The following CRY1 variants were observed in gnomAD, a reference collection of about 807,000 sequenced individuals.
CRY1 encodes the protein cryptochrome-1.
A neutral mutation model predicts 76.0 loss-of-function variants in CRY1; 45 were observed. That is an observed-to-expected ratio of 0.59 (90% CI 0.47 to 0.76). The LOEUF (loss-of-function observed/expected upper bound fraction) is 0.76. Ranked by LOEUF, CRY1 falls within the 30% of genes least tolerant of loss-of-function variation. CRY1 has a pLI of 0.00. For missense variants in CRY1, 587 were observed against 716.4 expected, an observed-to-expected ratio of 0.82 and a Z score of 2.06; for synonymous variants, 248 against 244.0, an observed-to-expected ratio of 1.02 and a Z score of -0.15.
intron 2 of CRY1, among the ~76,000 whole-genome samples, chr12:107,020,542 T>C (rs1952544351): frequency 6.6e-6 from 1 of 151,874 alleles, no homozygotes; most frequent in African/African-American, 2.4e-5. Context: ...TTTTTGTTTT[T>C]TGTTTTTTTT....
At chr12:107,043,196 G>A (rs956374100) in intron 1 of CRY1, 1 of 152,184 alleles carries the variant, frequency 6.6e-6, no homozygotes, top group Non-Finnish European at 1.5e-5. Context: ...GCCAAGCAGA[G>A]ACAGAGCCAC....
chr12:107,079,621 C>A (rs984116030), intron 1 of CRY1, among the ~76,000 whole-genome samples: 1 of 152,144 alleles, frequency 6.6e-6, no homozygotes, highest in Non-Finnish European at 1.5e-5. Context: ...CTCCTCACCA[C>A]TATCAGAATA....
At chr12:107,086,024 A>C (rs1953396239) in intron 1 of CRY1, among the ~76,000 whole-genome samples, 1 of 152,164 alleles carries the variant, frequency 6.6e-6, no homozygotes, top group Non-Finnish European at 1.5e-5. Flanking sequence ...ATTTTTAAAA[A>C]CTAAAACAAA....
chr12:107,093,531 A>G lies in CRY1; in HGVS notation c.-570T>C, dbSNP rs918590474. On this transcript the variant is annotated 5_prime_UTR_variant, in exon 1 of 13. Coordinates refer to ENST00000008527, the MANE Select transcript of CRY1 (RefSeq NM_004075.5). ...GGTTGCCGGCCGGTGACCGGTCCCG[A>G]GGCTGCCCGGGTGACTCTGCCGCCG... 2.6e-5 allele frequency: 4 copies of G among 152,278 alleles called. No homozygotes were observed. The highest frequency in any genetic ancestry group is 4.4e-5 in the Non-Finnish European group (3 of 68,118). 9.4% of individuals were successfully genotyped at this position (152,278 alleles called of 1,614,324 possible). A position where few individuals can be genotyped will look rare whatever the true frequency, so the allele number is the denominator to read the frequency against.
intron 1 of CRY1, among the ~76,000 whole-genome samples, chr12:107,057,723 C>G (rs1415342585): frequency 6.6e-6 from 1 of 151,644 alleles, no homozygotes; most frequent in Non-Finnish European, 1.5e-5. Context: ...AGAGCAAGAC[C>G]CTGTCTCTAT....
At chr12:107,088,331 C>T (rs554926221) in intron 1 of CRY1, among the ~76,000 whole-genome samples, 1 of 152,324 alleles carries the variant, frequency 6.6e-6, no homozygotes, top group African/African-American at 2.4e-5. Flanking sequence ...TCCACTTCCC[C>T]TTCCATCATG....
chr12:107,042,052 A>C (rs2087167280), intron 1 of CRY1, among the ~76,000 whole-genome samples: 1 of 152,220 alleles, frequency 6.6e-6, no homozygotes, highest in Admixed American at 6.5e-5. Flanking sequence ...AATTTAAATG[A>C]AATAAACAGT....
At chr12:107,040,391 T>C (rs2136865897) in intron 1 of CRY1, among the ~76,000 whole-genome samples, 1 of 151,150 alleles carries the variant, frequency 6.6e-6, no homozygotes, top group South Asian at 2.1e-4. Context: ...GTTCAAGTGA[T>C]TTTTCTGCCC....
chr12:106,997,745 C>T, intron 8 of CRY1, 55 bp from the exon 9 acceptor site: 1 of 1,594,624 alleles, frequency 6.3e-7, no homozygotes, highest in Non-Finnish European at 8.6e-7. Context: ...CAAACTATAA[C>T]TACTAGCTAT....
chr12:107,044,669 G>C (rs369706247), intron 1 of CRY1, among the ~76,000 whole-genome samples: 1 of 152,026 alleles, frequency 6.6e-6, no homozygotes, highest in Admixed American at 6.5e-5. Flanking sequence ...ATTCAACAAA[G>C]AGATATAAAT....
In CRY1 at chr12:107,048,878, C is replaced by T. The variant is rs147503218; in HGVS notation, c.159-26686G>A. 4.3e-3 allele frequency among the ~76,000 whole-genome samples: 659 copies of T among 152,170 alleles called. 2 individuals carry two copies. Among genetic ancestry groups the T allele is most frequent in the African/African-American group, 0.015 (632 of 41,486 alleles). The stretch of plus-strand genomic sequence containing the variant: ...AGTCTAATGTGGATTTCCTATGAGT[C>T]TAATTGTCTGGTTTTTTTCCTCCTG... On this transcript the variant is annotated intron_variant, in intron 1 of 12. Coordinates refer to ENST00000008527, the MANE Select transcript of CRY1 (RefSeq NM_004075.5).
chr12:107,000,705 A>G (rs1207803110), intron 5 of CRY1, among the ~76,000 whole-genome samples: 2 of 152,102 alleles, frequency 1.3e-5, no homozygotes, highest in African/African-American at 4.8e-5. Flanking sequence ...GCTGGAGTAC[A>G]GTGGTACGAT....
chr12:107,046,167 C>T (rs1336885103), intron 1 of CRY1, among the ~76,000 whole-genome samples: 1 of 151,562 alleles, frequency 6.6e-6, no homozygotes, highest in African/African-American at 2.4e-5. Flanking sequence ...GTGGCACACA[C>T]CTGTCATCCC....
intron 2 of CRY1, among the ~76,000 whole-genome samples, chr12:107,021,114 T>C (rs923289601): frequency 6.6e-6 from 1 of 152,130 alleles, no homozygotes; most frequent in African/African-American, 2.4e-5. Flanking sequence ...TGAAACCCTG[T>C]CTCTACTAAA....
intron 1 of CRY1, among the ~76,000 whole-genome samples, chr12:107,090,704 G>T (rs1169637368): frequency 6.6e-6 from 1 of 152,124 alleles, no homozygotes; most frequent in Admixed American, 6.5e-5. Flanking sequence ...TTCAATAAAT[G>T]GTTGGATGAA....
At chr12:107,020,664 T>C (rs957093284) in intron 2 of CRY1, among the ~76,000 whole-genome samples, 1 of 152,102 alleles carries the variant, frequency 6.6e-6, no homozygotes, top group Non-Finnish European at 1.5e-5. Flanking sequence ...CCTGAGGCCT[T>C]CCCAGAAGCC....
intron 1 of CRY1, among the ~76,000 whole-genome samples, chr12:107,055,902 A>G (rs953843064): frequency 2.0e-5 from 3 of 152,298 alleles, no homozygotes; most frequent in Non-Finnish European, 4.4e-5. Flanking sequence ...GAATAAAGCT[A>G]AATGGGTTTC....
At position 107,063,175 on chromosome 12, in the gene CRY1, A is replaced by C. The variant is rs1172768314; in HGVS notation, c.158+29629T>G. 2.0e-5 allele frequency among the ~76,000 whole-genome samples: 3 copies of C among 152,302 alleles called. No homozygotes were observed. The East Asian group carries it at 5.8e-4, about 29-fold the overall frequency. ...TCTTAATATTCTAAGCAAGAAATGC[A>C]GTGTACACAAATGGAACAGACTTAA... On this transcript the variant is annotated intron_variant, in intron 1 of 12. Coordinates refer to ENST00000008527, the MANE Select transcript of CRY1 (RefSeq NM_004075.5).
chr12:106,995,044 C>T (rs925472546), intron 10 of CRY1, among the ~76,000 whole-genome samples: 1 of 152,142 alleles, frequency 6.6e-6, no homozygotes, highest in African/African-American at 2.4e-5. Flanking sequence ...AGAGGAGGCC[C>T]AATGATGCAG....
Sources: allele counts gnomAD v4.1 joint callset (sites outside exome capture counted in the v4.1 genomes callset), GRCh38; gene constraint gnomAD v4.1.1; transcripts MANE v1.5; gene names NCBI Gene and HGNC (gene_info 2026-07-23, HGNC 2026-07-21).